PGBD5: variants seen among roughly 807,000 people sequenced by gnomAD.
PGBD5 encodes piggyBac transposable element derived 5.
In PGBD5, 14 loss-of-function variants were observed where a neutral mutation model predicts 47.9. The observed-to-expected ratio is 0.29, with a 90% CI of 0.19 to 0.46. PGBD5 has a LOEUF of 0.46. PGBD5 is among the 20% of genes least tolerant of loss of function. PGBD5 has a pLI of 1.00. For synonymous variants in PGBD5, 316 were observed against 306.3 expected (o/e 1.03, Z -0.33); for missense variants, 635 against 716.0 (o/e 0.89, Z 1.29).
intron 5 of PGBD5, among the ~76,000 whole-genome samples, chr1:230,329,476 G>C (rs975479027): frequency 6.6e-6 from 1 of 152,214 alleles, no homozygotes; most frequent in African/African-American, 2.4e-5. Context: ...CTGAGAAGTA[G>C]TCTCTAGAAT....
At position 230,376,867 on chromosome 1, in the gene PGBD5, G is replaced by C. The variant is rs187335488; in HGVS notation, c.332-19546C>G. 2.0e-3 allele frequency among the ~76,000 whole-genome samples: 297 copies of C among 152,300 alleles called. 1 individual carries two copies. Among genetic ancestry groups the C allele is most frequent in the African/African-American group, 6.5e-3 (271 of 41,566 alleles). ...TAACTTCATTGCTACTATTCCTACT[G>C]TAAGAAAGGGATAATCCTCCTTTGC... On this transcript the variant is annotated intron_variant, in intron 1 of 6. Transcript: ENST00000391860.
intron 1 of PGBD5, among the ~76,000 whole-genome samples, chr1:230,394,161 TC>T (rs1163609144): frequency 6.6e-6 from 1 of 151,926 alleles, no homozygotes; most frequent in Non-Finnish European, 1.5e-5. Flanking sequence ...ATGGGGATCA[TC>T]CCACAGGGCC....
intron 1 of PGBD5, among the ~76,000 whole-genome samples, chr1:230,403,363 G>C (rs1457476330): frequency 1.3e-5 from 2 of 152,202 alleles, no homozygotes; most frequent in African/African-American, 4.8e-5. Context: ...AGTGAAGATG[G>C]TTGAGCCCAA....
intron 1 of PGBD5, among the ~76,000 whole-genome samples, chr1:230,384,660 A>G (rs1271377291): frequency 1.3e-5 from 2 of 152,258 alleles, no homozygotes; most frequent in Non-Finnish European, 2.9e-5. Flanking sequence ...AAGGCCACAC[A>G]GGCAGTAAGG....
intron 1 of PGBD5, among the ~76,000 whole-genome samples, chr1:230,396,195 C>T (rs1487318879): frequency 9.3e-6 from 1 of 107,768 alleles, no homozygotes; most frequent in Non-Finnish European, 1.9e-5. Context: ...TTTTTACCCC[C>T]CCACTCTTCC....
Position 230,323,703 on chromosome 1 carries a change from G to T in PGBD5, c.1380-83C>A. ...ATCCCAAAGGCCCCCCCTCACCACA[G>T]CCCGTGAGACGCTGCAGGTTCGCCC... On this transcript the variant is annotated intron_variant, in intron 6 of 6. Transcript: ENST00000391860. This position sits in a 1 kb window ranked among gnomAD's most constrained non-coding sequence, Gnocchi z 4.1. The T allele has an allele frequency of 7.3e-7, 1 of 1,374,294 alleles. No individual in the cohort carries two copies. Among genetic ancestry groups the T allele is most frequent in the South Asian group, 1.3e-5 (1 of 75,300 alleles). The allele number at this position is 1,374,294 out of a possible 1,614,324, so 85.1% of individuals were successfully genotyped here.
chr1:230,362,286 A>G, intron 1 of PGBD5: 1 of 1,367,606 alleles, frequency 7.3e-7, no homozygotes, highest in South Asian at 1.1e-5. Context: ...CATGCTCTGC[A>G]CTGAGTTTCC....
intron 1 of PGBD5, among the ~76,000 whole-genome samples, chr1:230,380,320 T>C (rs1187229957): frequency 1.3e-5 from 2 of 152,262 alleles, no homozygotes; most frequent in African/African-American, 4.8e-5. Context: ...TTAATCCTAC[T>C]GTGAGTTACT....
intron 3 of PGBD5, among the ~76,000 whole-genome samples, chr1:230,347,356 A>G (rs753414493): frequency 6.6e-5 from 10 of 152,210 alleles, no homozygotes; most frequent in Non-Finnish European, 1.2e-4. Flanking sequence ...TGGCAAGTCC[A>G]ACATCAGAGA....
chr1:230,342,894 G>A (rs1350466861), intron 3 of PGBD5, among the ~76,000 whole-genome samples: 1 of 152,130 alleles, frequency 6.6e-6, no homozygotes, highest in Non-Finnish European at 1.5e-5. Flanking sequence ...AAAAATTCAG[G>A]CCCGCAGCCA....
intron 1 of PGBD5, among the ~76,000 whole-genome samples, chr1:230,371,349 T>C (rs1348545829): frequency 1.3e-5 from 2 of 152,122 alleles, no homozygotes; most frequent in East Asian, 3.9e-4. Flanking sequence ...TTTCTTGAGA[T>C]AGTCGGGCCA....
At chr1:230,413,455 G>A (rs574699960) in intron 1 of PGBD5, among the ~76,000 whole-genome samples, 3 of 152,148 alleles carry the variant, frequency 2.0e-5, no homozygotes, top group Admixed American at 6.5e-5. Context: ...AGCCGTGATC[G>A]CATCATCGCA....
In PGBD5 at chr1:230,314,761, G is replaced by C. The variant is rs1449390480; in HGVS notation, c.*8664C>G. The stretch of plus-strand genomic sequence containing the variant: ...TGTGTCACCAAATGGGGGTGCAGCT[G>C]TGTGATATCTGTGCAGTTTGTGATA... On this transcript the variant is annotated 3_prime_UTR_variant, in exon 7 of 7. Transcript: ENST00000391860. 2 of 152,084 alleles carry C rather than the reference G, an allele frequency of 1.3e-5. No individual in the cohort carries two copies. Among genetic ancestry groups the C allele is most frequent in the African/African-American group, 4.8e-5 (2 of 41,390 alleles). 9.4% of individuals were successfully genotyped at this position (152,084 alleles called of 1,614,324 possible).
At chr1:230,386,495 G>A (rs1656645993) in intron 1 of PGBD5, among the ~76,000 whole-genome samples, 1 of 152,140 alleles carries the variant, frequency 6.6e-6, no homozygotes, top group African/African-American at 2.4e-5. Context: ...GCGTTTGATG[G>A]AAGTTGCCAA....
In PGBD5 at chr1:230,347,565, C is replaced by T. The variant is rs565025360; in HGVS notation, c.894+3393G>A. Among the ~76,000 whole-genome samples the T allele has an allele frequency of 7.3e-5, 11 of 150,748 alleles. No homozygotes were observed. In the East Asian group the frequency reaches 9.8e-4, roughly 13 times the overall value. ...TGCGATCTTGGCTCACTGCAACCTC[C>T]GCCTCCCAGGTTCAAGCAATTCTCC... On this transcript the variant is annotated intron_variant, in intron 3 of 6. Coordinates refer to ENST00000391860, the MANE Select transcript of PGBD5 (RefSeq NM_001258311.2).
Position 230,323,144 on chromosome 1 carries a change from A to G in PGBD5, c.*281T>C. 2.4e-6 allele frequency: 1 copy of G among 424,710 alleles called. No individual in the cohort carries two copies. Among genetic ancestry groups the G allele is most frequent in the Non-Finnish European group, 4.2e-6 (1 of 235,690 alleles). The allele number at this position is 424,710 out of a possible 1,614,324, so 26.3% of individuals were successfully genotyped here. A position where few individuals can be genotyped will look rare whatever the true frequency, so the allele number is the denominator to read the frequency against. Reference sequence around the variant, plus strand: ...CAGTCCACGCTGCCTCGCAAGCTCCACGGATGTCATGAGAGAATCTGCCCT... The same window carrying G: ...CAGTCCACGCTGCCTCGCAAGCTCCGCGGATGTCATGAGAGAATCTGCCCT... On this transcript the variant is annotated 3_prime_UTR_variant, in exon 7 of 7. Transcript: ENST00000391860. The surrounding 1 kb of genome is among the most constrained non-coding windows in gnomAD (Gnocchi z 4.1).
At chr1:230,382,632 A>C (rs957753309) in intron 1 of PGBD5, among the ~76,000 whole-genome samples, 1 of 152,198 alleles carries the variant, frequency 6.6e-6, no homozygotes, top group African/African-American at 2.4e-5. Context: ...TCCTAGGTAA[A>C]CTAGGGTGGT....
intron 1 of PGBD5, among the ~76,000 whole-genome samples, chr1:230,407,266 G>A (rs1251438016): frequency 6.6e-6 from 1 of 152,206 alleles, no homozygotes; most frequent in African/African-American, 2.4e-5. Flanking sequence ...GTAGTTTTAA[G>A]TCTATGAAGA....
intron 1 of PGBD5, among the ~76,000 whole-genome samples, chr1:230,398,285 G>A (rs190754894): frequency 1.3e-5 from 2 of 152,326 alleles, no homozygotes; most frequent in Admixed American, 1.3e-4. Flanking sequence ...CTGGAGGCGA[G>A]AAGTGTGAGA....
Sources: allele counts gnomAD v4.1 joint callset (sites outside exome capture counted in the v4.1 genomes callset), GRCh38; gene constraint gnomAD v4.1.1; non-coding constraint Gnocchi (gnomAD v3.1); transcripts MANE v1.5; gene names NCBI Gene and HGNC (gene_info 2026-07-23, HGNC 2026-07-21).